RMDN2: variants seen among roughly 807,000 people sequenced by gnomAD.
The protein encoded by RMDN2 is regulator of microtubule dynamics protein 2.
Under a neutral mutation model 52.8 loss-of-function variants are expected in RMDN2, and 61 were observed. That is an observed-to-expected ratio of 1.16 (90% CI 0.94 to 1.43). RMDN2 has a LOEUF of 1.43. Among genes scored for constraint, RMDN2 ranks in the 40% most tolerant of loss-of-function variants. RMDN2 has a pLI of 0.00. For missense variants in RMDN2, 592 were observed against 475.3 expected (o/e 1.25, Z -2.28); for synonymous variants, 180 against 153.1 (o/e 1.18, Z -1.30).
At chr2:38,050,213 G>A (rs997773679) in intron 10 of RMDN2, among the ~76,000 whole-genome samples, 4 of 152,004 alleles carry the variant, frequency 2.6e-5, no homozygotes, top group African/African-American at 9.7e-5. Context: ...CCCACATGAT[G>A]TGCCTCCACT....
At chr2:37,994,647 C>A (rs988098509) in intron 7 of RMDN2, among the ~76,000 whole-genome samples, 1 of 152,136 alleles carries the variant, frequency 6.6e-6, no homozygotes, top group South Asian at 2.1e-4. Flanking sequence ...CAGAGAAAGA[C>A]CGCTATTTAT....
At chr2:37,971,331 G>T (rs1283763339) in intron 2 of RMDN2, among the ~76,000 whole-genome samples, 3 of 152,008 alleles carry the variant, frequency 2.0e-5, no homozygotes, top group Admixed American at 2.0e-4. Flanking sequence ...TTGTTGAAGA[G>T]TATTGTTTCC....
intron 10 of RMDN2, among the ~76,000 whole-genome samples, chr2:38,056,346 C>T (rs780349990): frequency 6.6e-6 from 1 of 152,186 alleles, no homozygotes; most frequent in Non-Finnish European, 1.5e-5. Flanking sequence ...AGTTCTTAAT[C>T]GTTGTTCCCA....
intron 2 of RMDN2, among the ~76,000 whole-genome samples, chr2:37,963,429 A>G (rs1345259625): frequency 3.3e-5 from 5 of 151,460 alleles, no homozygotes; most frequent in Admixed American, 2.0e-4. Context: ...CAAGTGAACA[A>G]AGGTCTCTGG....
intron 2 of RMDN2, among the ~76,000 whole-genome samples, chr2:37,935,653 A>G (rs144663380): frequency 1.3e-5 from 2 of 152,334 alleles, no homozygotes; most frequent in African/African-American, 4.8e-5. Flanking sequence ...TGTTTCTCCT[A>G]CATGTGCACT....
At chr2:37,984,515 TACA>T (rs1274691906) in intron 5 of RMDN2, among the ~76,000 whole-genome samples, 1 of 152,202 alleles carries the variant, frequency 6.6e-6, no homozygotes, top group Non-Finnish European at 1.5e-5. Flanking sequence ...ATCAGAGCAA[TACA>T]ACAAGTGGAA....
chr2:38,043,727 G>A (rs761886113), intron 10 of RMDN2, among the ~76,000 whole-genome samples: 2 of 152,060 alleles, frequency 1.3e-5, no homozygotes, highest in African/African-American at 2.4e-5. Context: ...TAACTTTCAA[G>A]TAACACTGTA....
At chr2:37,968,095 G>C (rs1258831052) in intron 2 of RMDN2, among the ~76,000 whole-genome samples, 1 of 152,150 alleles carries the variant, frequency 6.6e-6, no homozygotes, top group Non-Finnish European at 1.5e-5. Flanking sequence ...GTATGTGGTA[G>C]TTTCTTGGTC....
chr2:37,978,429 CAT>C (rs1672850644), intron 4 of RMDN2, among the ~76,000 whole-genome samples: 1 of 152,116 alleles, frequency 6.6e-6, no homozygotes. Context: ...GCAAAATAGA[CAT>C]GTTTTCAGGC....
chr2:37,928,611 C>G (rs990072913), intron 1 of RMDN2: 1 of 152,224 alleles, frequency 6.6e-6, no homozygotes. Flanking sequence ...ATCTACCCAC[C>G]TATTTAAATC....
chr2:37,995,493 A>T (rs1477643518), intron 7 of RMDN2, among the ~76,000 whole-genome samples: 1 of 152,232 alleles, frequency 6.6e-6, no homozygotes, highest in Non-Finnish European at 1.5e-5. Flanking sequence ...CCTCAGAACT[A>T]TAAAATAAAA....
rs1331183454 is a variant in RMDN2, at chr2:38,004,057, A to G, written c.1098+13A>G. On this transcript the variant is annotated intron_variant, in intron 9 of 10. Transcript: ENST00000354545. Reference sequence around the variant, plus strand: ...GTACTTAGCAAAGGTAATGAAGACCACTGTTCTGCTTTAAGATCACTTTGA... The same window carrying G: ...GTACTTAGCAAAGGTAATGAAGACCGCTGTTCTGCTTTAAGATCACTTTGA... 1 of 1,610,700 alleles carries G rather than the reference A, an allele frequency of 6.2e-7. No homozygotes were observed. Among genetic ancestry groups the G allele is most frequent in the South Asian group, 1.1e-5 (1 of 91,020 alleles).
rs77712002 is a variant in RMDN2 at position 37,934,279 on chromosome 2, G to A, written c.452+4550G>A. On this transcript the variant is annotated intron_variant, in intron 2 of 10. Coordinates refer to ENST00000354545, the MANE Select transcript of RMDN2 (RefSeq NM_001170791.3). ...GAATTTGGGTAGATCAGTGGAACAT[G>A]TTTTCTGTAACCATTATTAGAATCT... Among the ~76,000 whole-genome samples the A allele has an allele frequency of 1.4e-3, 219 of 152,338 alleles. 5 individuals carry two copies. The East Asian group carries it at 0.037, about 26-fold the overall frequency.
chr2:37,938,779 C>A (rs932854896), intron 2 of RMDN2, among the ~76,000 whole-genome samples: 1 of 151,152 alleles, frequency 6.6e-6, no homozygotes, highest in Non-Finnish European at 1.5e-5. Context: ...CTATTTGAGT[C>A]TTCTCTCCTT....
intron 10 of RMDN2, chr2:38,026,878 C>A (rs906895334): frequency 1.3e-5 from 2 of 151,934 alleles, no homozygotes; most frequent in Non-Finnish European, 2.9e-5. Flanking sequence ...TTCTAATTTC[C>A]ATTTTGCTTT....
At chr2:37,993,465 A>G (rs756588365) in intron 7 of RMDN2, among the ~76,000 whole-genome samples, 1 of 151,864 alleles carries the variant, frequency 6.6e-6, no homozygotes, top group Non-Finnish European at 1.5e-5. Flanking sequence ...AGTGTGTGTT[A>G]GTCTGAAGTG....
At chr2:38,021,775 T>G (rs1451513572), downstream of RMDN2, among the ~76,000 whole-genome samples, 1 of 152,096 alleles carries the variant, frequency 6.6e-6, no homozygotes, top group African/African-American at 2.4e-5. Flanking sequence ...GGCGCTCAGG[T>G]GGTAATATGA....
At chr2:38,059,568 T>C (rs973032190) in intron 10 of RMDN2, among the ~76,000 whole-genome samples, 13 of 152,304 alleles carry the variant, frequency 8.5e-5, no homozygotes, top group South Asian at 8.3e-4. Context: ...AAATGTTTTA[T>C]GTGTTGGGAG....
At chr2:37,956,279 A>C (rs1669445955) in intron 2 of RMDN2, among the ~76,000 whole-genome samples, 1 of 152,118 alleles carries the variant, frequency 6.6e-6, no homozygotes, top group African/African-American at 2.4e-5. Flanking sequence ...CAGACTTAGT[A>C]GTTTGTGTGT....
Sources: gnomAD v4.1 joint callset for allele counts (sites outside exome capture counted in the v4.1 genomes callset) on GRCh38, gnomAD v4.1.1 for gene constraint, MANE v1.5 for transcripts, NCBI Gene and HGNC (gene_info 2026-07-23, HGNC 2026-07-21) for gene names.